The following ASTN2 variants were observed in gnomAD, a reference collection of about 807,000 sequenced individuals.
ASTN2 encodes the protein astrotactin 2.
In ASTN2, 54 loss-of-function variants were observed where a neutral mutation model predicts 139.8. The ratio of observed to expected loss-of-function variants is 0.39; its 90% CI spans 0.31 to 0.48. ASTN2 has a LOEUF of 0.48. Ranked by LOEUF, ASTN2 falls within the 20% of genes least tolerant of loss-of-function variation. ASTN2 has a pLI of 0.95. For missense variants in ASTN2, 1,565 were observed against 1,725.1 expected, an observed-to-expected ratio of 0.91 and a Z score of 1.64; for synonymous variants, 756 against 719.5, an observed-to-expected ratio of 1.05 and a Z score of -0.81.
chr9:116,601,250 TTATTCAAACC>T (rs1347088562), intron 19 of ASTN2, among the ~76,000 whole-genome samples: 2 of 152,202 alleles, frequency 1.3e-5, no homozygotes, highest in African/African-American at 2.4e-5. Flanking sequence ...GTAAGTGCAA[TTATTCAAACC>T]TTGTACGATG....
chr9:117,070,866 C>T (rs1190458468), intron 5 of ASTN2, among the ~76,000 whole-genome samples: 1 of 150,686 alleles, frequency 6.6e-6, no homozygotes, highest in Non-Finnish European at 1.5e-5. Context: ...TCCATCAGCT[C>T]CTTTAAGCAC....
At chr9:116,715,169 C>T (rs1257907521) in intron 16 of ASTN2, among the ~76,000 whole-genome samples, 2 of 150,716 alleles carry the variant, frequency 1.3e-5, no homozygotes, top group Non-Finnish European at 3.0e-5. Flanking sequence ...CTGGTATCTC[C>T]CAAAGTGGCC....
chr9:117,202,322 G>A (rs920157178), intron 3 of ASTN2, among the ~76,000 whole-genome samples: 2 of 152,076 alleles, frequency 1.3e-5, no homozygotes, highest in African/African-American at 4.8e-5. Context: ...TTTAATTGGG[G>A]CATTTAGTCC....
At chr9:117,267,052 A>G (rs534204719) in intron 2 of ASTN2, among the ~76,000 whole-genome samples, 1 of 152,348 alleles carries the variant, frequency 6.6e-6, no homozygotes, top group South Asian at 2.1e-4. Context: ...CAAGTACATA[A>G]TTAGTCGGTT....
chr9:116,654,729 T>C (rs1410877797), intron 16 of ASTN2, among the ~76,000 whole-genome samples: 1 of 152,188 alleles, frequency 6.6e-6, no homozygotes, highest in East Asian at 1.9e-4. Flanking sequence ...TAAACGACTA[T>C]CTTATGTTAT....
intron 19 of ASTN2, among the ~76,000 whole-genome samples, chr9:116,537,201 A>C (rs1432445946): frequency 1.3e-5 from 2 of 152,160 alleles, no homozygotes; most frequent in African/African-American, 4.8e-5. Flanking sequence ...TCAGTTGGAA[A>C]TGCAGAAATT....
At chr9:116,887,679 T>A (rs1489717916) in intron 10 of ASTN2, among the ~76,000 whole-genome samples, 1 of 152,066 alleles carries the variant, frequency 6.6e-6, no homozygotes, top group Non-Finnish European at 1.5e-5. Flanking sequence ...GTTGTTTCGA[T>A]TTTTTTGAGA....
At chr9:117,033,934 G>T (rs1344597755) in intron 6 of ASTN2, among the ~76,000 whole-genome samples, 1 of 152,146 alleles carries the variant, frequency 6.6e-6, no homozygotes, top group East Asian at 1.9e-4. Context: ...ATAATAGTAG[G>T]TTCCCTTCCT....
chr9:117,266,658 C>T (rs1260861179), intron 2 of ASTN2, among the ~76,000 whole-genome samples: 4 of 152,190 alleles, frequency 2.6e-5, no homozygotes, highest in African/African-American at 7.2e-5. Flanking sequence ...AATAAGTGTG[C>T]ATTTTTTCTC....
At chr9:116,601,186 C>T (rs977178655) in intron 19 of ASTN2, among the ~76,000 whole-genome samples, 1 of 152,130 alleles carries the variant, frequency 6.6e-6, no homozygotes, top group Non-Finnish European at 1.5e-5. Context: ...CCTCATTGTA[C>T]AGACCCAAGT....
At chr9:117,149,181 G>A (rs1215065207) in intron 3 of ASTN2, among the ~76,000 whole-genome samples, 4 of 151,876 alleles carry the variant, frequency 2.6e-5, no homozygotes, top group African/African-American at 9.6e-5. Context: ...CACCATGTCC[G>A]GCTAATTTTT....
At chr9:116,509,057 G>A (rs1044076417) in intron 19 of ASTN2, among the ~76,000 whole-genome samples, 5 of 151,992 alleles carry the variant, frequency 3.3e-5, no homozygotes, top group Admixed American at 1.3e-4. Flanking sequence ...TGCGTACAAC[G>A]TGCAGGTTAG....
intron 10 of ASTN2, among the ~76,000 whole-genome samples, chr9:116,903,541 C>A (rs915232354): frequency 6.6e-6 from 1 of 152,116 alleles, no homozygotes; most frequent in South Asian, 2.1e-4. Context: ...ACATAGATAC[C>A]ACTCAACAGG....
intron 12 of ASTN2, among the ~76,000 whole-genome samples, 186 bp from the exon 13 acceptor site, chr9:116,806,006 T>C (rs1266175967): frequency 6.6e-6 from 1 of 152,144 alleles, no homozygotes; most frequent in Non-Finnish European, 1.5e-5. Context: ...TGCAAATTGG[T>C]AAATTCAAGG....
At chr9:117,241,956 C>T (rs1221124997) in intron 2 of ASTN2, among the ~76,000 whole-genome samples, 1 of 150,884 alleles carries the variant, frequency 6.6e-6, no homozygotes, top group Non-Finnish European at 1.5e-5. Flanking sequence ...ACCACACACC[C>T]CTATATTTTC....
chr9:117,279,309 G>A (rs889507948), intron 2 of ASTN2, among the ~76,000 whole-genome samples: 11 of 152,134 alleles, frequency 7.2e-5, no homozygotes, highest in South Asian at 6.2e-4. Flanking sequence ...TTCTGGGCTC[G>A]GACACTGGCT....
At chr9:117,090,937 G>T (rs1309697083) in intron 5 of ASTN2, among the ~76,000 whole-genome samples, 1 of 152,208 alleles carries the variant, frequency 6.6e-6, no homozygotes, top group Non-Finnish European at 1.5e-5. Flanking sequence ...TTTCTGCCAT[G>T]CAGCCTTCTG....
chr9:116,821,926 G>C (rs991017715), intron 11 of ASTN2, among the ~76,000 whole-genome samples: 1 of 152,018 alleles, frequency 6.6e-6, no homozygotes, highest in Non-Finnish European at 1.5e-5. Context: ...CCAGCTGATG[G>C]AGAAGTAGTT....
intron 22 of ASTN2, among the ~76,000 whole-genome samples, chr9:116,432,008 G>GT (rs1354186987): frequency 1.3e-5 from 2 of 151,328 alleles, no homozygotes; most frequent in East Asian, 3.9e-4. Flanking sequence ...AATCAAGTAT[G>GT]TTTTAGAAAG....
Sources: gnomAD v4.1 joint callset for allele counts (sites outside exome capture counted in the v4.1 genomes callset) on GRCh38, gnomAD v4.1.1 for gene constraint, MANE v1.5 for transcripts, NCBI Gene and HGNC (gene_info 2026-07-23, HGNC 2026-07-21) for gene names.